The following MSL3B variants were observed in gnomAD, a reference collection of about 807,000 sequenced individuals.
The protein encoded by MSL3B is MSL complex subunit 3 pseudogene 1.
At chr2:233,866,410 G>C in the MSL3B span, 7 of 1,133,532 alleles carry the variant, frequency 6.2e-6, no homozygotes, top group Non-Finnish European at 8.1e-6. Context: ...GCTTCCAGGA[G>C]AGGACCTCAT....
chr2:233,867,430 G>T, the MSL3B span: 17 of 460,490 alleles, frequency 3.7e-5, no homozygotes, highest in Non-Finnish European at 5.9e-5. Flanking sequence ...GTGAGCTACA[G>T]CATTTCTTGC....
chr2:233,867,337 T>C, the MSL3B span: 1 of 648,176 alleles, frequency 1.5e-6, no homozygotes, highest in Non-Finnish European at 2.8e-6. Flanking sequence ...CATTTTTTTC[T>C]TCGATGGAGA....
At chr2:233,865,763 T>G in the MSL3B span, 1 of 164,638 alleles carries the variant, frequency 6.1e-6, no homozygotes, top group Non-Finnish European at 1.3e-5. Flanking sequence ...AAAATTTTGT[T>G]TAATGCTAAC....
chr2:233,867,282 C>T, the MSL3B span: 43 of 744,108 alleles, frequency 5.8e-5, 1 homozygote, highest in Middle Eastern at 2.4e-4. Context: ...TCATCCTTGT[C>T]TTCACTACTG....
At chr2:233,865,664 T>C in the MSL3B span, 3 of 153,956 alleles carry the variant, frequency 1.9e-5, no homozygotes, top group Non-Finnish European at 4.3e-5. Flanking sequence ...CTAAAATACT[T>C]TGAGACTACT....
At chr2:233,867,386 T>G in the MSL3B span, 1 of 543,682 alleles carries the variant, frequency 1.8e-6, no homozygotes, top group Non-Finnish European at 3.3e-6. Context: ...CCAAGCAACC[T>G]GGAGCGGCTG....
the MSL3B span, chr2:233,867,225 C>T: frequency 1.3e-6 from 1 of 767,786 alleles, no homozygotes; most frequent in Non-Finnish European, 2.4e-6. Flanking sequence ...TCCGGTTCTT[C>T]TTTCACTTCA....
At chr2:233,866,461 A>G in the MSL3B span, 1 of 1,267,930 alleles carries the variant, frequency 7.9e-7, no homozygotes. Context: ...CAGCAAACAC[A>G]GGACTCCCTT....
chr2:233,866,443 T>C, the MSL3B span: 2 of 1,256,110 alleles, frequency 1.6e-6, no homozygotes, highest in East Asian at 2.3e-5. Context: ...TTCTTCTCCC[T>C]TCAAAGCCAG....
the MSL3B span, chr2:233,866,248 G>A: frequency 1.4e-6 from 1 of 711,610 alleles, no homozygotes; most frequent in Non-Finnish European, 2.7e-6. Context: ...AGAGATCAAA[G>A]TGCTTCAATA....
chr2:233,866,544 G>C, the MSL3B span: 3 of 1,029,056 alleles, frequency 2.9e-6, no homozygotes, highest in South Asian at 2.5e-5. Flanking sequence ...TGCAGGAACA[G>C]CTTGGGCACA....
chr2:233,866,483 G>T, the MSL3B span: 2 of 1,259,490 alleles, frequency 1.6e-6, no homozygotes, highest in Non-Finnish European at 2.3e-6. Flanking sequence ...CTGGCTAGGA[G>T]TCAGAGTAGG....
chr2:233,867,860 G>C, the MSL3B span, among the ~76,000 whole-genome samples: 910 of 109,150 alleles, frequency 8.3e-3, 11 homozygotes, highest in African/African-American at 0.03. Context: ...TGGCGATCTC[G>C]GCTCACTGCA....
At chr2:233,865,482 A>G in the MSL3B span, 1 of 152,300 alleles carries the variant, frequency 6.6e-6, no homozygotes, top group Non-Finnish European at 1.5e-5. Context: ...ACCAAAAAGA[A>G]CATTTTACAG....
the MSL3B span, chr2:233,866,169 C>G: frequency 7.9e-6 from 5 of 629,062 alleles, no homozygotes; most frequent in East Asian, 2.0e-4. Context: ...CTGTAATGCA[C>G]CTCAGAGGCA....
At chr2:233,867,078 T>C in the MSL3B span, 3 of 1,171,970 alleles carry the variant, frequency 2.6e-6, no homozygotes, top group East Asian at 2.3e-5. Flanking sequence ...ATCGTTATGA[T>C]GTTGGTGTGG....
the MSL3B span, chr2:233,867,205 T>C: frequency 1.3e-6 from 1 of 773,004 alleles, no homozygotes. Context: ...TTTCCCTTTT[T>C]GTTTGAAGCT....
At chr2:233,866,881 C>T in the MSL3B span, 3 of 1,460,880 alleles carry the variant, frequency 2.1e-6, no homozygotes, top group Non-Finnish European at 2.9e-6. Context: ...AGAGTAAAAC[C>T]AACGGGAGAG....
the MSL3B span, among the ~76,000 whole-genome samples, chr2:233,867,779 C>A: frequency 1.4e-5 from 2 of 144,576 alleles, no homozygotes; most frequent in Admixed American, 1.4e-4. Context: ...CGCCCAGACC[C>A]TAATCTACGA....
Sources: allele counts gnomAD v4.1 joint callset (sites outside exome capture counted in the v4.1 genomes callset), GRCh38; gene constraint gnomAD v4.1.1; transcripts MANE v1.5; gene names NCBI Gene and HGNC (gene_info 2026-07-23, HGNC 2026-07-21).